Variants in ZBTB7C observed in about 807,000 individuals in gnomAD.
The protein encoded by ZBTB7C is zinc finger and BTB domain-containing protein 7C.
In ZBTB7C, 8 loss-of-function variants were observed where a neutral mutation model predicts 25.7. The ratio of observed to expected loss-of-function variants is 0.31; its 90% CI spans 0.18 to 0.56. The LOEUF (loss-of-function observed/expected upper bound fraction) is 0.56, where lower values mean the gene tolerates loss of function less well. ZBTB7C is among the 20% of genes least tolerant of loss of function. The probability of loss-of-function intolerance (pLI) is 0.91; values close to 1 mark genes in which losing one functional copy is unlikely to be tolerated. For synonymous variants in ZBTB7C, 394 were observed against 369.0 expected, an observed-to-expected ratio of 1.07 and a Z score of -0.78; for missense variants, 824 against 855.2, an observed-to-expected ratio of 0.96 and a Z score of 0.46.
intron 3 of ZBTB7C, among the ~76,000 whole-genome samples, chr18:48,096,434 G>T (rs559741637): frequency 6.6e-6 from 1 of 152,290 alleles, no homozygotes; most frequent in East Asian, 1.9e-4. Flanking sequence ...CATCAGGGTG[G>T]CCACTGATTG....
At chr18:48,155,959 T>C (rs1272318120) in intron 3 of ZBTB7C, among the ~76,000 whole-genome samples, 1 of 152,196 alleles carries the variant, frequency 6.6e-6, no homozygotes, top group African/African-American at 2.4e-5. Flanking sequence ...AGACCCATAC[T>C]CTCACTTGAC....
chr18:48,172,283 G>T (rs568356570), intron 3 of ZBTB7C, among the ~76,000 whole-genome samples: 1 of 152,202 alleles, frequency 6.6e-6, no homozygotes, highest in Non-Finnish European at 1.5e-5. Flanking sequence ...TGCATCAGGG[G>T]CTTCCCAGTG....
chr18:48,323,373 C>G (rs1385993770), intron 2 of ZBTB7C, among the ~76,000 whole-genome samples: 2 of 152,170 alleles, frequency 1.3e-5, no homozygotes, highest in African/African-American at 4.8e-5. Context: ...CAACATTCCT[C>G]TGGGGAAGGC....
intron 3 of ZBTB7C, among the ~76,000 whole-genome samples, chr18:48,111,070 G>A (rs996837976): frequency 3.9e-5 from 6 of 152,100 alleles, no homozygotes; most frequent in Non-Finnish European, 5.9e-5. Context: ...GCTGCTGGGC[G>A]CATTCTGGCA....
chr18:48,100,345 G>A (rs926309706), intron 3 of ZBTB7C, among the ~76,000 whole-genome samples: 5 of 152,122 alleles, frequency 3.3e-5, no homozygotes, highest in East Asian at 1.9e-4. Context: ...ACCTCCCCAC[G>A]GGGTGAAGAG....
chr18:48,238,630 T>C (rs2043442233), intron 2 of ZBTB7C, among the ~76,000 whole-genome samples: 1 of 152,108 alleles, frequency 6.6e-6, no homozygotes, highest in Admixed American at 6.6e-5. Context: ...TAGGCGCTCC[T>C]GGTCCCCAGG....
At chr18:48,173,311 A>G (rs1212519597) in intron 3 of ZBTB7C, among the ~76,000 whole-genome samples, 3 of 152,156 alleles carry the variant, frequency 2.0e-5, no homozygotes, top group Non-Finnish European at 2.9e-5. Flanking sequence ...TTTAATCTTG[A>G]TATTAACTCT....
chr18:48,181,821 C>T (rs913197921), intron 3 of ZBTB7C, among the ~76,000 whole-genome samples: 13 of 152,322 alleles, frequency 8.5e-5, no homozygotes, highest in Admixed American at 7.8e-4. Context: ...CCCACAATTG[C>T]CTATGCATGT....
At chr18:48,396,114 C>T (rs1181044755) in intron 1 of ZBTB7C, among the ~76,000 whole-genome samples, 3 of 152,168 alleles carry the variant, frequency 2.0e-5, no homozygotes, top group African/African-American at 2.4e-5. Context: ...CCCTACCCCC[C>T]TCTCAAAGCA....
chr18:48,175,593 G>A (rs2041646073), intron 3 of ZBTB7C, among the ~76,000 whole-genome samples: 1 of 152,178 alleles, frequency 6.6e-6, no homozygotes, highest in Non-Finnish European at 1.5e-5. Flanking sequence ...AAAGGGCCAA[G>A]GTGCAAATAT....
intron 3 of ZBTB7C, chr18:48,165,179 G>C: frequency 7.9e-7 from 1 of 1,263,538 alleles, no homozygotes; most frequent in Non-Finnish European, 1.0e-6. Context: ...GGAAGGGGAG[G>C]GTTCTTGTCC....
At chr18:48,032,434 T>TG in intron 4 of ZBTB7C, among the ~76,000 whole-genome samples, 1 of 122,922 alleles carries the variant, frequency 8.1e-6, no homozygotes, top group Admixed American at 7.8e-5. Flanking sequence ...TTTTTTTTTT[T>TG]TTTTTTTTTT....
intron 3 of ZBTB7C, among the ~76,000 whole-genome samples, chr18:48,162,934 C>G (rs184026414): frequency 6.6e-6 from 1 of 151,356 alleles, no homozygotes; most frequent in Non-Finnish European, 1.5e-5. Context: ...TCATGCTCAG[C>G]ATGCAGTCAG....
At chr18:48,055,270 C>T (rs932371662) in intron 3 of ZBTB7C, among the ~76,000 whole-genome samples, 17 of 151,794 alleles carry the variant, frequency 1.1e-4, no homozygotes, top group Non-Finnish European at 2.2e-4. Context: ...ATTAGCTGGG[C>T]ATGGTGGCAG....
At chr18:48,377,263 T>A (rs2047542095) in intron 1 of ZBTB7C, among the ~76,000 whole-genome samples, 1 of 152,220 alleles carries the variant, frequency 6.6e-6, no homozygotes, top group South Asian at 2.1e-4. Context: ...GTGCTGGAGA[T>A]CTAAAGATGA....
In ZBTB7C at chr18:48,029,188, T is replaced by G; in HGVS notation, c.*72A>C. On this transcript the variant is annotated 3_prime_UTR_variant, in exon 5 of 5. Coordinates refer to ENST00000590800, the MANE Select transcript of ZBTB7C (RefSeq NM_001318841.2). ...TTTTAAAATGAAAAGTTCAGATCCA[T>G]GGGGTAGGGTAGAGTGGGCCTGGAG... 2 of 1,446,672 alleles carry G rather than the reference T, an allele frequency of 1.4e-6. No individual in the cohort carries two copies. Among genetic ancestry groups the G allele is most frequent in the South Asian group, 1.3e-5 (1 of 74,580 alleles). The allele number at this position is 1,446,672 out of a possible 1,614,324, so 89.6% of individuals were successfully genotyped here.
intron 3 of ZBTB7C, among the ~76,000 whole-genome samples, chr18:48,090,168 T>C (rs2038358781): frequency 6.6e-6 from 1 of 152,188 alleles, no homozygotes; most frequent in Admixed American, 6.5e-5. Context: ...CCCCGGATTT[T>C]CTCAGATCAT....
chr18:48,345,535 C>A (rs924088149), intron 1 of ZBTB7C, among the ~76,000 whole-genome samples: 1 of 151,786 alleles, frequency 6.6e-6, no homozygotes, highest in Admixed American at 6.5e-5. Flanking sequence ...TCCTGGCATA[C>A]CAGCACCGCC....
intron 1 of ZBTB7C, among the ~76,000 whole-genome samples, chr18:48,387,501 C>G (rs2047776240): frequency 6.6e-6 from 1 of 152,250 alleles, no homozygotes; most frequent in African/African-American, 2.4e-5. Context: ...TTTATCATCA[C>G]TTACAGCTAG....
Sources: allele counts gnomAD v4.1 joint callset (sites outside exome capture counted in the v4.1 genomes callset), GRCh38; gene constraint gnomAD v4.1.1; transcripts MANE v1.5; gene names NCBI Gene and HGNC (gene_info 2026-07-23, HGNC 2026-07-21).